The following PCDH20 variants were observed in gnomAD, a reference collection of about 807,000 sequenced individuals.
PCDH20 encodes protocadherin 20.
Under a neutral mutation model 39.7 loss-of-function variants are expected in PCDH20, and 18 were observed. The ratio of observed to expected loss-of-function variants is 0.45; its 90% CI spans 0.31 to 0.67. The LOEUF (loss-of-function observed/expected upper bound fraction) is 0.67. Ranked by LOEUF, PCDH20 falls within the 30% of genes least tolerant of loss-of-function variation. The pLI is 0.05. For missense variants in PCDH20, 1,161 were observed against 1,167.4 expected (o/e 0.99, Z 0.08); for synonymous variants, 495 against 455.4 (o/e 1.09, Z -1.11).
At chr13:61,412,814 G>C (rs765269155) in exon 2 of PCDH20, 2 of 1,614,038 alleles carry the variant, frequency 1.2e-6, no homozygotes, top group South Asian at 1.1e-5. Flanking sequence ...GCTATGTAAC[G>C]AGGGACAATT....
At chr13:61,411,900 TAGA>T in exon 2 of PCDH20, 2 of 1,614,114 alleles carry the variant, frequency 1.2e-6, no homozygotes, top group Middle Eastern at 1.6e-4. Context: ...CATTGATATC[TAGA>T]AGGAGAATTG....
exon 1 of PCDH20, chr13:61,415,084 G>T (rs1371368588): frequency 6.4e-7 from 1 of 1,574,078 alleles, no homozygotes; most frequent in Non-Finnish European, 8.6e-7. Context: ...CCATATCCAG[G>T]CGCGGGTGCC....
upstream of PCDH20, chr13:61,415,826 A>C (rs546085268): frequency 2.0e-5 from 3 of 152,258 alleles, no homozygotes; most frequent in South Asian, 6.2e-4. Flanking sequence ...TCCTAGTTGG[A>C]GGCTCAAATG....
At chr13:61,409,971 T>C (rs1196048400) in exon 2 of PCDH20, 1 of 152,110 alleles carries the variant, frequency 6.6e-6, no homozygotes, top group Non-Finnish European at 1.5e-5. Context: ...TCCTTGTTTA[T>C]ACAGATTATT....
exon 2 of PCDH20, chr13:61,413,712 C>T (rs1420545160): frequency 1.9e-5 from 31 of 1,613,842 alleles, no homozygotes; most frequent in Non-Finnish European, 2.6e-5. Context: ...GGGTCACGTA[C>T]TGGCCACTCA....
At chr13:61,412,909 G>A (rs913938312) in exon 2 of PCDH20, 2 of 1,614,136 alleles carry the variant, frequency 1.2e-6, no homozygotes, top group Middle Eastern at 1.6e-4. Context: ...AGCAAGGATG[G>A]TGAGCTTGTG....
Position 61,413,286 on chromosome 13 carries a change from G to C in PCDH20, c.813C>G (p.Tyr271Ter). The change falls in exon 2 of 2, where the codon TAC becomes TAG. Residue 271 changes from tyrosine (Y) to a stop codon, truncating the protein, a stop_gained. Coordinates refer to ENST00000409204, the Ensembl canonical transcript of PCDH20. LOFTEE classifies it high-confidence loss of function. ...TGTCCAAAGCACCCATGACAATTAGGTAGGGGGTGCGCTCCCCATTCTCAT... is the reference window on the plus strand; with the variant it reads ...TGTCCAAAGCACCCATGACAATTAGCTAGGGGGTGCGCTCCCCATTCTCAT... The C allele has an allele frequency of 6.2e-7, 1 of 1,614,092 alleles. No individual in the cohort carries two copies. Among genetic ancestry groups the C allele is most frequent in the Non-Finnish European group, 8.5e-7 (1 of 1,180,022 alleles).
At position 61,411,525 on chromosome 13, in the gene PCDH20, TC is replaced by T. The variant is rs1878246426; in HGVS notation, c.2573del (p.Arg858LysfsTer8). On this transcript the variant is annotated frameshift_variant, in exon 2 of 2. Coordinates refer to ENST00000409204, the Ensembl canonical transcript of PCDH20. LOFTEE classifies it high-confidence loss of function. ...CCTCTATATTAATCTCTGGTTCTTT[TC>T]TTAAAAGACTCTCAATGTAACTCTC... is the stretch of plus-strand genomic sequence containing the variant. 1 of 1,614,072 alleles carries T rather than the reference TC, an allele frequency of 6.2e-7. No individual in the cohort carries two copies. Among genetic ancestry groups the T allele is most frequent in the Non-Finnish European group, 8.5e-7 (1 of 1,180,032 alleles).
Position 61,415,275 on chromosome 13 carries a change from AG to A in PCDH20, c.-118del, listed in dbSNP as rs1452483890. The A allele has an allele frequency of 4.3e-5, 52 of 1,204,216 alleles. No individual in the cohort carries two copies. Among genetic ancestry groups the A allele is most frequent in the Non-Finnish European group, 4.9e-5 (46 of 942,390 alleles). 74.6% of individuals were successfully genotyped at this position (1,204,216 alleles called of 1,614,324 possible). On this transcript the variant is annotated 5_prime_UTR_variant, in exon 1 of 2. It introduces an in-frame stop codon into an upstream open reading frame of the 5' UTR. Coordinates refer to ENST00000409204, the Ensembl canonical transcript of PCDH20. ...CCAATAGTCACTGGCTCTTCAATTA[AG>A]GACGGGAACTCAAAGAGTGGCAGAA...
At chr13:61,413,231 T>A (rs1871442704) in exon 2 of PCDH20, 1 of 1,614,070 alleles carries the variant, frequency 6.2e-7, no homozygotes, top group East Asian at 2.2e-5. Flanking sequence ...TCAGCTATGA[T>A]GATGCTCACA....
exon 2 of PCDH20, chr13:61,412,407 G>T: frequency 1.2e-6 from 2 of 1,614,140 alleles, no homozygotes; most frequent in Non-Finnish European, 1.7e-6. Context: ...CTCTCTCCTC[G>T]CTGTCGGCAT....
exon 2 of PCDH20, chr13:61,411,111 A>G (rs1045017278): frequency 1.3e-6 from 1 of 765,828 alleles, no homozygotes. Flanking sequence ...ACCTGTAAAC[A>G]GCTATTTACA....
chr13:61,411,027 C>A (rs1297736343), exon 2 of PCDH20: 3 of 369,778 alleles, frequency 8.1e-6, no homozygotes, highest in Non-Finnish European at 9.7e-6. Context: ...AAATACAAGT[C>A]CTATAGCTGT....
At chr13:61,412,507 T>C in exon 2 of PCDH20, 1 of 1,614,190 alleles carries the variant, frequency 6.2e-7, no homozygotes, top group East Asian at 2.2e-5. Flanking sequence ...AATTGGAGCA[T>C]TATCATTGTC....
chr13:61,415,188 T>G lies in PCDH20; in HGVS notation c.-30A>C, dbSNP rs1424085156. ...TGGGAGGCTGCAGTCAGAGCGCTCT[T>G]GAAGGGAGGGCGGCAGAAGACACTC... On this transcript the variant is annotated 5_prime_UTR_variant, in exon 1 of 2. Transcript: ENST00000409204. 1.4e-5 allele frequency: 19 copies of G among 1,371,320 alleles called. No homozygotes were observed. The East Asian group carries it at 4.7e-4, about 34-fold the overall frequency. 84.9% of individuals were successfully genotyped at this position (1,371,320 alleles called of 1,614,324 possible).
chr13:61,410,202 G>A (rs956816736), exon 2 of PCDH20: 52 of 152,008 alleles, frequency 3.4e-4, no homozygotes, highest in African/African-American at 1.2e-3. Context: ...ACAACAAAAA[G>A]ATAAGTACAG....
chr13:61,411,155 T>C (rs1878235990), exon 2 of PCDH20: 1 of 1,118,132 alleles, frequency 8.9e-7, no homozygotes, highest in East Asian at 2.4e-5. Flanking sequence ...TTGTCCTTCA[T>C]TGGAACTGCC....
chr13:61,414,912 T>A, intron 1 of PCDH20, 115 bp downstream of exon 1: 1 of 1,223,366 alleles, frequency 8.2e-7, no homozygotes. Context: ...CCCGGCGCCA[T>A]CCTTCCCGTG....
exon 2 of PCDH20, chr13:61,413,419 C>G (rs1871460902): frequency 6.2e-7 from 1 of 1,613,856 alleles, no homozygotes; most frequent in Admixed American, 1.7e-5. Context: ...TATGGCCAGT[C>G]GGGTGTTTAC....
Sources: gnomAD v4.1 joint callset for allele counts on GRCh38, gnomAD v4.1.1 for gene constraint, MANE v1.5 for transcripts, NCBI Gene and HGNC (gene_info 2026-07-23, HGNC 2026-07-21) for gene names.